Variants in H6PD observed in about 807,000 individuals in gnomAD.
H6PD encodes the protein GDH/6PGL endoplasmic bifunctional protein.
H6PD carries 48 observed loss-of-function variants against 61.2 expected under a neutral mutation model. The ratio of observed to expected loss-of-function variants is 0.78; its 90% CI spans 0.62 to 1.00. The LOEUF (loss-of-function observed/expected upper bound fraction) is 1.00. Among genes scored for constraint, H6PD ranks in the 50% least tolerant of loss-of-function variants. The pLI is 0.00. For missense variants in H6PD, 1,093 were observed against 1,065.0 expected (o/e 1.03, Z -0.37); for synonymous variants, 480 against 457.9 (o/e 1.05, Z -0.62).
At chr1:9,235,305 C>T (rs1161796650) in intron 1 of H6PD, among the ~76,000 whole-genome samples, 2 of 152,114 alleles carry the variant, frequency 1.3e-5, no homozygotes, top group Non-Finnish European at 2.9e-5. Context: ...GGGGGAACTC[C>T]GAGATTTCCC....
intron 1 of H6PD, among the ~76,000 whole-genome samples, chr1:9,236,771 A>T (rs528487082): frequency 6.6e-6 from 1 of 151,764 alleles, no homozygotes; most frequent in Non-Finnish European, 1.5e-5. Flanking sequence ...TTGTTTTCCC[A>T]TTCTGTGGTT....
chr1:9,242,787 C>T, intron 1 of H6PD: 1 of 985,490 alleles, frequency 1.0e-6, no homozygotes, highest in Non-Finnish European at 1.2e-6. Context: ...AGCCTGCCAG[C>T]TGGCGGCTCC....
At chr1:9,242,927 A>G (rs955357177) in intron 1 of H6PD, 1 of 985,402 alleles carries the variant, frequency 1.0e-6, no homozygotes, top group Non-Finnish European at 1.2e-6. Flanking sequence ...GGCCAAGGAC[A>G]GGGACTGGAA....
At position 9,265,172 on chromosome 1, in the gene H6PD, G is replaced by C. The variant is rs1042347684; in HGVS notation, c.*303G>C. ...AGCAGTTACACATTCATATCAACCA[G>C]CACAACACGGGATGGCGCCCAAACT... is the stretch of plus-strand genomic sequence containing the variant. On this transcript the variant is annotated 3_prime_UTR_variant, in exon 5 of 5. Coordinates refer to ENST00000377403, the MANE Select transcript of H6PD (RefSeq NM_004285.4). 1.0e-5 allele frequency: 5 copies of C among 483,842 alleles called. No individual in the cohort carries two copies. The highest frequency in any genetic ancestry group is 1.1e-5 in the Non-Finnish European group (3 of 262,818). 30.0% of individuals were successfully genotyped at this position (483,842 alleles called of 1,614,324 possible).
chr1:9,263,137 C>G (rs1472499278), intron 4 of H6PD, among the ~76,000 whole-genome samples: 3 of 151,524 alleles, frequency 2.0e-5, no homozygotes, highest in Admixed American at 6.6e-5. Context: ...CTCTGTAGGA[C>G]CCCCTGACCC....
intron 1 of H6PD, among the ~76,000 whole-genome samples, chr1:9,237,776 A>G (rs1640893205): frequency 1.3e-5 from 2 of 152,148 alleles, no homozygotes; most frequent in South Asian, 4.1e-4. Flanking sequence ...TCACCATTAG[A>G]GGTATATTCC....
rs138547645 is a variant in H6PD at position 9,244,965 on chromosome 1, T to G, written c.31T>G (p.Leu11Val). 117 of 1,614,062 alleles carry G rather than the reference T, an allele frequency of 7.2e-5. No individual in the cohort carries two copies. The highest frequency in any genetic ancestry group is 6.4e-4 in the African/African-American group (48 of 74,922). The change falls in exon 2 of 5, where the codon TTG (leucine) becomes GTG (valine). Residue 11 changes from leucine to valine, a missense_variant. Coordinates refer to ENST00000377403, the MANE Select transcript of H6PD (RefSeq NM_004285.4). ...GAATATGCTCATAGTGGCGATGTGC[T>G]TGGCCCTTCTGGGCTGCCTGCAAGC... MWNMLIVAMCLALLGCLQAQE... is the reference protein window; with the variant it reads MWNMLIVAMCVALLGCLQAQE...
intron 1 of H6PD, among the ~76,000 whole-genome samples, chr1:9,236,335 T>A (rs948772965): frequency 6.6e-6 from 1 of 152,060 alleles, no homozygotes; most frequent in Admixed American, 6.6e-5. Flanking sequence ...CAAGAAGGAC[T>A]TCATTCGTGA....
At chr1:9,244,526 C>T (rs1641100824) in intron 1 of H6PD, among the ~76,000 whole-genome samples, 1 of 152,228 alleles carries the variant, frequency 6.6e-6, no homozygotes, top group Non-Finnish European at 1.5e-5. Context: ...TGCCACTATA[C>T]CTAGGCTGGG....
intron 3 of H6PD, among the ~76,000 whole-genome samples, chr1:9,251,442 T>C (rs1185411655): frequency 1.8e-3 from 72 of 40,926 alleles, no homozygotes; most frequent in East Asian, 5.6e-3. Context: ...CCTGCTGTTG[T>C]TGTTGTTGTT....
intron 1 of H6PD, among the ~76,000 whole-genome samples, chr1:9,244,625 C>G (rs1431363958): frequency 6.6e-6 from 1 of 152,214 alleles, no homozygotes; most frequent in East Asian, 1.9e-4. Context: ...GCCTGCGGCC[C>G]TCCCTGGTGG....
intron 1 of H6PD, among the ~76,000 whole-genome samples, chr1:9,237,421 C>T (rs1169812627): frequency 6.6e-6 from 1 of 151,716 alleles, no homozygotes; most frequent in Non-Finnish European, 1.5e-5. Flanking sequence ...TTAGTAGAGA[C>T]GGGGTTTCAC....
intron 3 of H6PD, among the ~76,000 whole-genome samples, chr1:9,260,232 G>A (rs62642595): frequency 0.41 from 61,749 of 149,538 alleles, 13,486 homozygotes; most frequent in Middle Eastern, 0.55. Context: ...CTGTTGTTAC[G>A]CCAGTGTTAT....
chr1:9,252,274 C>T (rs1417886395), intron 3 of H6PD, among the ~76,000 whole-genome samples: 2 of 152,174 alleles, frequency 1.3e-5, no homozygotes, highest in Non-Finnish European at 2.9e-5. Flanking sequence ...ATACTTAAAT[C>T]TCTATGTATT....
chr1:9,244,540 G>A (rs188078009), intron 1 of H6PD, among the ~76,000 whole-genome samples: 49 of 152,342 alleles, frequency 3.2e-4, no homozygotes, highest in African/African-American at 1.1e-3. Context: ...GGCTGGGGCT[G>A]CCCTGCTTGT....
intron 1 of H6PD, among the ~76,000 whole-genome samples, chr1:9,242,387 G>T (rs1227257140): frequency 6.6e-6 from 1 of 152,024 alleles, no homozygotes; most frequent in Non-Finnish European, 1.5e-5. Flanking sequence ...CACCCATTTA[G>T]GAAAGAGTTG....
At position 9,264,633 on chromosome 1, in the gene H6PD, C is replaced by T. The variant is rs1256125400; in HGVS notation, c.2140C>T (p.Gln714Ter). The T allele has an allele frequency of 1.9e-6, 3 of 1,613,060 alleles. No homozygotes were observed. The South Asian group carries it at 3.3e-5, about 18-fold the overall frequency. The stretch of plus-strand genomic sequence containing the variant: ...GTCACCCACTGGCCTGGATGGCGAG[C>T]AGCTGGTCGTGCTGACCACGAGCCC... ...PQSPTGLDGE[Q>*]LVVLTTSPSQ... Residue 714 changes from glutamine to a stop codon, truncating the protein, a stop_gained, in exon 5 of 5, where the codon CAG becomes TAG. Coordinates refer to ENST00000377403, the MANE Select transcript of H6PD (RefSeq NM_004285.4). LOFTEE classifies it high-confidence loss of function.
At chr1:9,259,873 TTA>T (rs1641662255) in intron 3 of H6PD, among the ~76,000 whole-genome samples, 2 of 147,910 alleles carry the variant, frequency 1.4e-5, no homozygotes, top group Admixed American at 6.6e-5. Context: ...TACGCCGGTG[TTA>T]TGTTGTTGTT....
intron 2 of H6PD, 68 bp from the exon 3 acceptor site, chr1:9,246,898 C>G: frequency 1.8e-6 from 2 of 1,089,094 alleles, no homozygotes; most frequent in Non-Finnish European, 2.9e-6. Context: ...GAGCCCTTCC[C>G]GGGAGTCAGG....
Sources: allele counts gnomAD v4.1 joint callset (sites outside exome capture counted in the v4.1 genomes callset), GRCh38; gene constraint gnomAD v4.1.1; transcripts MANE v1.5; gene names NCBI Gene and HGNC (gene_info 2026-07-23, HGNC 2026-07-21).